MEMO1: variants seen among roughly 807,000 people sequenced by gnomAD.
MEMO1 encodes mediator of cell motility 1, also known as protein MEMO1.
In MEMO1, 6 loss-of-function variants were observed where a neutral mutation model predicts 45.2. The observed-to-expected ratio is 0.13, with a 90% confidence interval of 0.07 to 0.26. The LOEUF (loss-of-function observed/expected upper bound fraction) is 0.26, where lower values mean the gene tolerates loss of function less well. Ranked by LOEUF, MEMO1 falls within the 10% of genes least tolerant of loss-of-function variation. The pLI, the probability that MEMO1 is intolerant of heterozygous loss-of-function variation, is 1.00. For missense variants in MEMO1, 184 were observed against 370.5 expected, an observed-to-expected ratio of 0.50 and a Z score of 4.13; for synonymous variants, 78 against 124.3, an observed-to-expected ratio of 0.63 and a Z score of 2.48.
intron 2 of MEMO1, among the ~76,000 whole-genome samples, chr2:31,965,789 G>T (rs1668544593): frequency 6.6e-6 from 1 of 152,082 alleles, no homozygotes; most frequent in Admixed American, 6.6e-5. Flanking sequence ...ATGGACACAG[G>T]GAGGGGAACA....
intron 4 of MEMO1, among the ~76,000 whole-genome samples, chr2:31,925,879 A>C (rs954261945): frequency 6.6e-6 from 1 of 152,190 alleles, no homozygotes; most frequent in Non-Finnish European, 1.5e-5. Flanking sequence ...TCTATATGAC[A>C]AAATGCATTC....
At chr2:31,884,492 C>T (rs777542379) in intron 7 of MEMO1, among the ~76,000 whole-genome samples, 6 of 152,168 alleles carry the variant, frequency 3.9e-5, no homozygotes, top group Admixed American at 2.6e-4. Context: ...ACCCTCACAC[C>T]TGAAGACATG....
intron 2 of MEMO1, among the ~76,000 whole-genome samples, chr2:31,987,385 T>C (rs1010800988): frequency 1.3e-5 from 2 of 152,180 alleles, no homozygotes; most frequent in Non-Finnish European, 2.9e-5. Context: ...GGCCATATCA[T>C]GTGGGCTGAA....
chr2:31,921,114 T>A (rs1312544573), intron 4 of MEMO1, among the ~76,000 whole-genome samples: 4 of 152,160 alleles, frequency 2.6e-5, no homozygotes, highest in African/African-American at 9.7e-5. Flanking sequence ...TATTTAGAGA[T>A]AAGGTCTTCA....
At chr2:31,907,786 A>AACACACACACACACACACACAC (rs3065385) in intron 6 of MEMO1, among the ~76,000 whole-genome samples, 3 of 145,308 alleles carry the variant, frequency 2.1e-5, no homozygotes, top group Non-Finnish European at 4.5e-5. Flanking sequence ...CCGTGTCTTA[A>AACACACACACACACACACACAC]ACACACACAC....
At chr2:31,962,014 T>C (rs979137979) in intron 2 of MEMO1, among the ~76,000 whole-genome samples, 4 of 147,708 alleles carry the variant, frequency 2.7e-5, no homozygotes, top group Non-Finnish European at 6.0e-5. Flanking sequence ...TTTCCTTTTC[T>C]GTAAAAAAAA....
At chr2:31,971,726 T>C (rs983742063) in intron 2 of MEMO1, among the ~76,000 whole-genome samples, 4 of 152,066 alleles carry the variant, frequency 2.6e-5, no homozygotes, top group Non-Finnish European at 4.4e-5. Flanking sequence ...TCCCAGCATT[T>C]TGGGAGGCCG....
At chr2:31,930,811 A>ATTTTTTTTTTTTTT (rs376524077) in intron 4 of MEMO1, among the ~76,000 whole-genome samples, 27 of 126,076 alleles carry the variant, frequency 2.1e-4, no homozygotes, top group African/African-American at 7.8e-4. Flanking sequence ...ACGCCTGGCA[A>ATTTTTTTTTTTTTT]TTTTTTTTTT....
intron 2 of MEMO1, among the ~76,000 whole-genome samples, chr2:31,961,460 T>C (rs565198668): frequency 1.3e-5 from 2 of 150,248 alleles, no homozygotes; most frequent in African/African-American, 4.9e-5. Context: ...ACTACTGGGT[T>C]CTTTAAAATA....
chr2:31,869,838 G>A lies in MEMO1; in HGVS notation c.762+10C>T. ...AATGTTAAAAGTCAAGGCTTCCTAA[G>A]GATACTCACATTTAATAACACCCCA... On this transcript the variant is annotated intron_variant, in intron 9 of 9. Coordinates refer to ENST00000404530, the MANE Select transcript of MEMO1 (RefSeq NM_001301833.4). 1 of 1,567,326 alleles carries A rather than the reference G, an allele frequency of 6.4e-7. No individual in the cohort carries two copies. Among genetic ancestry groups the A allele is most frequent in the Non-Finnish European group, 8.6e-7 (1 of 1,164,874 alleles).
intron 2 of MEMO1, among the ~76,000 whole-genome samples, chr2:31,974,534 C>T (rs953949361): frequency 1.3e-5 from 2 of 152,050 alleles, no homozygotes; most frequent in Non-Finnish European, 2.9e-5. Context: ...ATCACGAGGT[C>T]AACAGATGGA....
chr2:31,971,932 T>G (rs1669459012), intron 2 of MEMO1, among the ~76,000 whole-genome samples: 1 of 151,946 alleles, frequency 6.6e-6, no homozygotes, highest in African/African-American at 2.4e-5. Context: ...ATCGTGCCAC[T>G]GCACTCCATC....
intron 2 of MEMO1, among the ~76,000 whole-genome samples, chr2:31,959,906 T>A (rs762283099): frequency 1.3e-5 from 2 of 152,208 alleles, no homozygotes; most frequent in Non-Finnish European, 2.9e-5. Context: ...AATCTAAAAG[T>A]GCATTTTTTG....
intron 7 of MEMO1, among the ~76,000 whole-genome samples, chr2:31,888,535 A>C (rs1676504065): frequency 6.6e-6 from 1 of 152,126 alleles, no homozygotes; most frequent in African/African-American, 2.4e-5. Flanking sequence ...AGGTCCAGAC[A>C]AAATTCTCTC....
intron 3 of MEMO1, among the ~76,000 whole-genome samples, chr2:31,942,570 G>A (rs1255974266): frequency 1.3e-5 from 2 of 151,786 alleles, no homozygotes; most frequent in Admixed American, 1.3e-4. Context: ...GCAGTGGCAT[G>A]ATCTGGCTCA....
chr2:31,933,247 TTC>T (rs1376529258), intron 3 of MEMO1, among the ~76,000 whole-genome samples: 3 of 139,182 alleles, frequency 2.2e-5, no homozygotes, highest in Non-Finnish European at 4.6e-5. Context: ...TTAAGCCAAG[TTC>T]TATATTACAG....
intron 3 of MEMO1, among the ~76,000 whole-genome samples, chr2:31,933,317 TAAAAAAAA>T (rs34487390): frequency 1.6e-3 from 39 of 24,100 alleles, no homozygotes; most frequent in African/African-American, 6.9e-3. Context: ...ACCACCTCTT[TAAAAAAAA>T]AAAAAAAAAA....
chr2:31,931,624 A>C (rs1292797115), intron 4 of MEMO1, among the ~76,000 whole-genome samples: 2 of 152,140 alleles, frequency 1.3e-5, no homozygotes, highest in East Asian at 3.8e-4. Context: ...ACACCATATT[A>C]AATTCACTGT....
intron 2 of MEMO1, among the ~76,000 whole-genome samples, chr2:31,953,444 C>A (rs1253433437): frequency 6.9e-6 from 1 of 144,352 alleles, no homozygotes; most frequent in Non-Finnish European, 1.5e-5. Flanking sequence ...TCAGTACGAA[C>A]TTTCATAAGA....
Sources: allele counts gnomAD v4.1 joint callset (sites outside exome capture counted in the v4.1 genomes callset), GRCh38; gene constraint gnomAD v4.1.1; transcripts MANE v1.5; gene names NCBI Gene and HGNC (gene_info 2026-07-23, HGNC 2026-07-21).